MYO5B: variants seen among roughly 807,000 people sequenced by gnomAD.
MYO5B encodes the protein unconventional myosin-Vb.
MYO5B carries 143 observed loss-of-function variants against 229.3 expected under a neutral mutation model. That is an observed-to-expected ratio of 0.62 (90% CI 0.54 to 0.72). MYO5B has a LOEUF of 0.72. Ranked by LOEUF, MYO5B falls within the 30% of genes least tolerant of loss-of-function variation. MYO5B has a pLI of 0.00. For synonymous variants in MYO5B, 918 were observed against 885.2 expected (o/e 1.04, Z -0.66); for missense variants, 2,321 against 2,331.0 (o/e 1.00, Z 0.09).
intron 22 of MYO5B, among the ~76,000 whole-genome samples, chr18:49,887,058 T>C (rs2024651227): frequency 6.6e-6 from 1 of 152,176 alleles, no homozygotes; most frequent in Non-Finnish European, 1.5e-5. Flanking sequence ...TCATGAATGC[T>C]GTAGCACCAT....
At chr18:49,843,719 T>C (rs2024090841) in intron 33 of MYO5B, among the ~76,000 whole-genome samples, 1 of 152,160 alleles carries the variant, frequency 6.6e-6, no homozygotes, top group Non-Finnish European at 1.5e-5. Flanking sequence ...GATGCCTCAG[T>C]CCGCAGCCAA....
intron 7 of MYO5B, among the ~76,000 whole-genome samples, chr18:49,988,745 A>G (rs898053154): frequency 6.6e-6 from 1 of 152,134 alleles, no homozygotes; most frequent in Non-Finnish European, 1.5e-5. Flanking sequence ...AGTGGCCCCT[A>G]ATGTGGAGGC....
intron 21 of MYO5B, among the ~76,000 whole-genome samples, chr18:49,897,718 G>C (rs938892269): frequency 1.3e-5 from 2 of 152,320 alleles, no homozygotes; most frequent in East Asian, 3.9e-4. Flanking sequence ...AAATATTACA[G>C]TACTCCAAGG....
At chr18:50,084,077 G>A (rs752661275) in intron 1 of MYO5B, among the ~76,000 whole-genome samples, 5 of 152,226 alleles carry the variant, frequency 3.3e-5, no homozygotes, top group Non-Finnish European at 5.9e-5. Context: ...ATTCCATGGC[G>A]TAATAACGTT....
At chr18:50,178,631 G>T (rs2033029720) in intron 1 of MYO5B, among the ~76,000 whole-genome samples, 1 of 152,198 alleles carries the variant, frequency 6.6e-6, no homozygotes, top group Non-Finnish European at 1.5e-5. Context: ...GCACTCAGCT[G>T]CCTCACTTTA....
intron 2 of MYO5B, among the ~76,000 whole-genome samples, chr18:50,044,900 G>C (rs1348117778): frequency 6.6e-6 from 1 of 151,560 alleles, no homozygotes; most frequent in African/African-American, 2.4e-5. Flanking sequence ...GTAGGAGGGG[G>C]GAAAAAGGAG....
intron 1 of MYO5B, among the ~76,000 whole-genome samples, chr18:50,081,784 TA>T (rs143100037): frequency 2.3e-4 from 35 of 150,368 alleles, no homozygotes; most frequent in African/African-American, 7.1e-4. Context: ...TAATCTTTGT[TA>T]AAAAAAAAAT....
intron 8 of MYO5B, among the ~76,000 whole-genome samples, chr18:49,983,447 C>G (rs570413759): frequency 6.6e-6 from 1 of 152,312 alleles, no homozygotes; most frequent in Non-Finnish European, 1.5e-5. Flanking sequence ...CAAAACAGCT[C>G]TGGCCTGCAT....
At chr18:50,114,802 C>G (rs9963499) in intron 1 of MYO5B, among the ~76,000 whole-genome samples, 126,750 of 152,152 alleles carry the variant, frequency 0.83, 52,983 homozygotes, top group Admixed American at 0.88. Flanking sequence ...GTGTTACCTC[C>G]ACAGGTGGAG....
intron 4 of MYO5B, among the ~76,000 whole-genome samples, chr18:50,013,965 C>T (rs1251611965): frequency 6.6e-6 from 1 of 152,184 alleles, no homozygotes; most frequent in African/African-American, 2.4e-5. Flanking sequence ...GCTGGGTATG[C>T]TTGCTGAGTC....
chr18:49,856,255 G>A (rs1237739389), intron 30 of MYO5B, among the ~76,000 whole-genome samples: 1 of 152,218 alleles, frequency 6.6e-6, no homozygotes, highest in African/African-American at 2.4e-5. Flanking sequence ...TGAAGGTGCT[G>A]TGAGGCCAGA....
chr18:49,978,593 G>A lies in MYO5B; in HGVS notation c.1056+1851C>T, dbSNP rs72911976. Among the ~76,000 whole-genome samples the A allele has an allele frequency of 6.1e-3, 920 of 152,040 alleles. 10 individuals carry two copies. The highest frequency in any genetic ancestry group is 0.023 in the Admixed American group (353 of 15,244). The stretch of plus-strand genomic sequence containing the variant: ...ACTTCTTGGGTACCTGGTGAGTGCT[G>A]AGCACCACAATAGATGCTGGTGATA... On this transcript the variant is annotated intron_variant, in intron 9 of 39. Coordinates refer to ENST00000285039, the MANE Select transcript of MYO5B (RefSeq NM_001080467.3).
intron 1 of MYO5B, among the ~76,000 whole-genome samples, chr18:50,191,080 T>C (rs559890291): frequency 7.9e-5 from 12 of 152,332 alleles, no homozygotes; most frequent in Non-Finnish European, 1.5e-4. Flanking sequence ...CAGGCACGAC[T>C]TCCCTGTGTA....
rs773549737 is a variant in MYO5B, at chr18:49,954,022, ATATG to A, written c.1668+287_1668+290del. ...CAGACATATATGTGTGTATGTATTTATATGTGTGTGTGTGTGTGTGTGTGTGTGT... is the reference window on the plus strand; with the variant it reads ...CAGACATATATGTGTGTATGTATTTATGTGTGTGTGTGTGTGTGTGTGTGT... On this transcript the variant is annotated intron_variant, in intron 13 of 39. Coordinates refer to ENST00000285039, the MANE Select transcript of MYO5B (RefSeq NM_001080467.3). Among the ~76,000 whole-genome samples the A allele has an allele frequency of 0.19, 24,331 of 129,702 alleles. 2,728 individuals are homozygous for A. Among genetic ancestry groups the A allele is most frequent in the Middle Eastern group, 0.33 (89 of 270 alleles). 85.1% of individuals were successfully genotyped at this position (129,702 alleles called of 152,430 possible). A position where few individuals can be genotyped will look rare whatever the true frequency, so the allele number is the denominator to read the frequency against.
intron 26 of MYO5B, among the ~76,000 whole-genome samples, chr18:49,872,991 C>T (rs1019784010): frequency 3.3e-5 from 5 of 152,198 alleles, no homozygotes; most frequent in Non-Finnish European, 7.3e-5. Flanking sequence ...GAGGAAAGCT[C>T]CCCAGTGTGT....
intron 4 of MYO5B, among the ~76,000 whole-genome samples, chr18:50,021,736 A>AAAT (rs34788891): frequency 3.3e-5 from 5 of 151,488 alleles, no homozygotes; most frequent in South Asian, 4.2e-4. Context: ...AAAAAAAAAA[A>AAAT]AATCTTACAA....
chr18:49,911,982 AAAT>A (rs1272703825), intron 18 of MYO5B, 77 bp downstream of exon 18: 2 of 1,054,960 alleles, frequency 1.9e-6, no homozygotes, highest in Non-Finnish European at 1.5e-6. Flanking sequence ...ACCAAAAAAA[AAAT>A]GTAGATAACG....
At chr18:49,958,093 A>C (rs1438394050) in intron 12 of MYO5B, among the ~76,000 whole-genome samples, 1 of 152,162 alleles carries the variant, frequency 6.6e-6, no homozygotes. Context: ...GATAAATCCA[A>C]CTACCCATTC....
chr18:49,826,669 A>T (rs376447629), intron 39 of MYO5B, 46 bp from the exon 40 acceptor site: 2 of 1,608,138 alleles, frequency 1.2e-6, no homozygotes, highest in African/African-American at 1.3e-5. Flanking sequence ...ACCCCTAAAA[A>T]TAGCCAGTTT....
Sources: gnomAD v4.1 joint callset for allele counts (sites outside exome capture counted in the v4.1 genomes callset) on GRCh38, gnomAD v4.1.1 for gene constraint, MANE v1.5 for transcripts, NCBI Gene and HGNC (gene_info 2026-07-23, HGNC 2026-07-21) for gene names.